ATP13A4: variants seen among roughly 807,000 people sequenced by gnomAD.
ATP13A4 encodes the protein probable cation-transporting ATPase 13A4.
ATP13A4 carries 114 observed loss-of-function variants against 142.5 expected under a neutral mutation model. That is an observed-to-expected ratio of 0.80 (90% CI 0.69 to 0.93). ATP13A4 has a LOEUF of 0.93. ATP13A4 is among the 40% of genes least tolerant of loss of function. The probability of loss-of-function intolerance (pLI) is 0.00; values close to 1 mark genes in which losing one functional copy is unlikely to be tolerated. For synonymous variants in ATP13A4, 488 were observed against 514.8 expected (o/e 0.95, Z 0.70); for missense variants, 1,392 against 1,454.0 (o/e 0.96, Z 0.69).
chr3:193,411,704 ACT>A lies in ATP13A4; in HGVS notation c.3208+472_3208+473del, dbSNP rs543971405. Among the ~76,000 whole-genome samples the A allele has an allele frequency of 3.4e-3, 512 of 152,244 alleles. 5 individuals carry two copies. Among genetic ancestry groups the A allele is most frequent in the African/African-American group, 0.012 (485 of 41,542 alleles). ...GAATGTAAGGAAGTAGGAGGGAGGT[ACT>A]CTGGCCGAGAGCCTCCATAACCCTC... On this transcript the variant is annotated intron_variant, in intron 27 of 29. Coordinates refer to ENST00000342695, the MANE Select transcript of ATP13A4 (RefSeq NM_032279.4).
At chr3:193,584,960 C>G (rs1226394624) in intron 1 of ATP13A4, among the ~76,000 whole-genome samples, 3 of 152,116 alleles carry the variant, frequency 2.0e-5, no homozygotes, top group African/African-American at 7.2e-5. Flanking sequence ...CCCCAATGTT[C>G]CTCCCCACTC....
At position 193,541,791 on chromosome 3, in the gene ATP13A4, A is replaced by G. The variant is rs536441518; in HGVS notation, c.60+12949T>C. ...AGTATTCCAATGGCCACACAAATAA[A>G]TTTAAAAAGCAAAAATGATTCAGTC... On this transcript the variant is annotated intron_variant, in intron 1 of 29. Transcript: ENST00000342695. Among the ~76,000 whole-genome samples the G allele has an allele frequency of 2.0e-4, 30 of 152,316 alleles. No individual in the cohort carries two copies. The East Asian group carries it at 4.1e-3, about 21-fold the overall frequency.
upstream of ATP13A4, among the ~76,000 whole-genome samples, chr3:193,555,851 G>A (rs929998572): frequency 2.0e-5 from 3 of 152,206 alleles, no homozygotes; most frequent in African/African-American, 4.8e-5. Flanking sequence ...CCAGCTGCTT[G>A]TCTGCACTGG....
At chr3:193,430,507 T>C (rs1187606156) in intron 25 of ATP13A4, among the ~76,000 whole-genome samples, 1 of 152,078 alleles carries the variant, frequency 6.6e-6, no homozygotes, top group African/African-American at 2.4e-5. Flanking sequence ...TGTGAAAACA[T>C]AAAGCAGGGT....
At chr3:193,452,884 C>A (rs575873548) in intron 17 of ATP13A4, among the ~76,000 whole-genome samples, 3 of 151,650 alleles carry the variant, frequency 2.0e-5, no homozygotes, top group Admixed American at 2.0e-4. Flanking sequence ...ATTTTTCACA[C>A]TTATATTCTT....
At chr3:193,497,208 CA>C (rs961103199) in intron 3 of ATP13A4, among the ~76,000 whole-genome samples, 2 of 152,026 alleles carry the variant, frequency 1.3e-5, no homozygotes, top group Non-Finnish European at 2.9e-5. Context: ...ATAAGGAACT[CA>C]AAAAACTCAA....
chr3:193,505,424 A>G (rs994237371), intron 2 of ATP13A4, among the ~76,000 whole-genome samples: 2 of 152,164 alleles, frequency 1.3e-5, no homozygotes, highest in Non-Finnish European at 2.9e-5. Context: ...TTAAAAACTG[A>G]CATTCATCTA....
chr3:193,533,107 G>T (rs544885929), intron 1 of ATP13A4, among the ~76,000 whole-genome samples: 7 of 152,132 alleles, frequency 4.6e-5, no homozygotes, highest in East Asian at 3.9e-4. Context: ...AGGTAAAAAA[G>T]AAAAGTATTT....
At chr3:193,537,548 A>G (rs1722651987) in intron 1 of ATP13A4, among the ~76,000 whole-genome samples, 1 of 152,216 alleles carries the variant, frequency 6.6e-6, no homozygotes, top group Non-Finnish European at 1.5e-5. Flanking sequence ...TCTTAGGAGC[A>G]AAAGACTTGA....
intron 8 of ATP13A4, among the ~76,000 whole-genome samples, chr3:193,483,546 G>C (rs1435975361): frequency 2.0e-5 from 3 of 152,162 alleles, no homozygotes; most frequent in South Asian, 2.1e-4. Flanking sequence ...CTCACTGCAA[G>C]CTCCGCCTCC....
At chr3:193,550,787 G>A (rs1383158930) in intron 1 of ATP13A4, among the ~76,000 whole-genome samples, 1 of 151,990 alleles carries the variant, frequency 6.6e-6, no homozygotes, top group African/African-American at 2.4e-5. Flanking sequence ...AAAATATCAG[G>A]GAACGTTACT....
Position 193,418,049 on chromosome 3 carries a change from G to T in ATP13A4, c.2843-3299C>A, listed in dbSNP as rs1410465031. Among the ~76,000 whole-genome samples the T allele has an allele frequency of 1.1e-3, 147 of 129,960 alleles. 5 individuals carry two copies. The highest frequency in any genetic ancestry group is 4.1e-3 in the African/African-American group (142 of 34,470). The allele number at this position is 129,960 out of a possible 152,430, so 85.3% of individuals were successfully genotyped here. On this transcript the variant is annotated intron_variant, in intron 25 of 29. Transcript: ENST00000342695. ...AGGCAGGAGAATGGCGTGAACCCGG[G>T]AGGCAGAGCTTGCAGTGAGCCGAGA...
chr3:193,430,020 G>A (rs1473645667), intron 25 of ATP13A4, among the ~76,000 whole-genome samples: 1 of 152,022 alleles, frequency 6.6e-6, no homozygotes, highest in Non-Finnish European at 1.5e-5. Context: ...ATGTTAAACA[G>A]AAAAGAATCA....
intron 8 of ATP13A4, among the ~76,000 whole-genome samples, chr3:193,478,605 C>T (rs1194887714): frequency 6.7e-6 from 1 of 150,372 alleles, no homozygotes; most frequent in Non-Finnish European, 1.5e-5. Flanking sequence ...TAACAAGCAG[C>T]AAGATTAAAA....
chr3:193,457,253 G>GGGAA (rs1717674851), intron 15 of ATP13A4, 100 bp from the exon 16 acceptor site: 1 of 1,579,880 alleles, frequency 6.3e-7, no homozygotes, highest in South Asian at 1.1e-5. Flanking sequence ...ACAAATAAGG[G>GGGAA]GGAAGGTCTC....
intron 25 of ATP13A4, among the ~76,000 whole-genome samples, chr3:193,432,396 C>G (rs1716030161): frequency 6.6e-6 from 1 of 152,084 alleles, no homozygotes; most frequent in Admixed American, 6.6e-5. Flanking sequence ...TAATCCTTTA[C>G]CCAGTGAAAA....
chr3:193,443,211 G>C (rs1239579174), intron 18 of ATP13A4, among the ~76,000 whole-genome samples: 1 of 152,158 alleles, frequency 6.6e-6, no homozygotes, highest in Non-Finnish European at 1.5e-5. Flanking sequence ...AGGCTAAAGG[G>C]CATGGGCGGA....
intron 1 of ATP13A4, among the ~76,000 whole-genome samples, chr3:193,536,449 C>T (rs1722596672): frequency 6.6e-6 from 1 of 151,982 alleles, no homozygotes; most frequent in Non-Finnish European, 1.5e-5. Context: ...AATTCATACC[C>T]ATTCATGATT....
In ATP13A4 at chr3:193,502,627, T is replaced by C; in HGVS notation, c.247A>G (p.Ile83Val). ...CATATTACCTTTTTCCAAGAGTAAA[T>C]TTGGAATTCATCCTGAGGAGATAGA... ...VLLRTTDEFQ[I>V]YSWKKVIWIY... Residue 83 changes from isoleucine to valine, a missense_variant, in exon 3 of 30, where the codon ATT becomes GTT. Physicochemically the swap from Ile to Val is conservative, Grantham distance 29. Coordinates refer to ENST00000342695, the MANE Select transcript of ATP13A4 (RefSeq NM_032279.4). The C allele has an allele frequency of 6.2e-7, 1 of 1,614,004 alleles. No individual in the cohort carries two copies. The highest frequency in any genetic ancestry group is 1.1e-5 in the South Asian group (1 of 91,074).
Sources: gnomAD v4.1 joint callset for allele counts (sites outside exome capture counted in the v4.1 genomes callset) on GRCh38, gnomAD v4.1.1 for gene constraint, MANE v1.5 for transcripts, NCBI Gene and HGNC (gene_info 2026-07-23, HGNC 2026-07-21) for gene names.